The following ZBTB47 variants were observed in gnomAD, a reference collection of about 807,000 sequenced individuals.
The protein encoded by ZBTB47 is zinc finger and BTB domain containing 47.
A neutral mutation model predicts 56.6 loss-of-function variants in ZBTB47; 24 were observed. The ratio of observed to expected loss-of-function variants is 0.42; its 90% CI spans 0.31 to 0.60. ZBTB47 has a LOEUF of 0.60. Among genes scored for constraint, ZBTB47 ranks in the 20% least tolerant of loss-of-function variants. The pLI, the probability that ZBTB47 is intolerant of heterozygous loss-of-function variation, is 0.14. For missense variants in ZBTB47, 829 were observed against 1,032.6 expected (o/e 0.80, Z 2.70); for synonymous variants, 414 against 418.9 (o/e 0.99, Z 0.14).
Position 42,658,610 on chromosome 3 carries a change from C to A in ZBTB47, c.255C>A (p.Asn85Lys). ...YTSKLLVNAANVHEVLSAASL... is the reference protein window; with the variant it reads ...YTSKLLVNAAKVHEVLSAASL... ...CCAAGCTGCTGGTCAACGCGGCCAA[C>A]GTCCACGAGGTGCTCAGCGCCGCCT... The change falls in exon 2 of 6, where the codon AAC becomes AAA. Residue 85 changes from asparagine (N) to lysine (K), a missense_variant. This residue lies in a region of ZBTB47 where 120 missense variants were observed against 200.2 expected (regional missense o/e 0.60). Transcript: ENST00000232974. The A allele has an allele frequency of 6.5e-7, 1 of 1,537,010 alleles. No individual in the cohort carries two copies. The highest frequency in any genetic ancestry group is 8.7e-7 in the Non-Finnish European group (1 of 1,146,924).
Position 42,664,569 on chromosome 3 carries a change from C to A in ZBTB47, c.2215C>A (p.Pro739Thr). The change falls in exon 6 of 6, where the codon CCC (proline) becomes ACC (threonine). Residue 739 changes from proline to threonine, a missense_variant. By Grantham distance (38) the Pro-to-Thr change is conservative (BLOSUM62 -1). Coordinates refer to ENST00000232974, the MANE Select transcript of ZBTB47 (RefSeq NM_145166.4). ...PPPLFPTTAS[P>T]GGRMNANN The stretch of plus-strand genomic sequence containing the variant: ...TCCGCTCTTCCCCACCACTGCCAGC[C>A]CCGGCGGGAGGATGAACGCCAACAA... The A allele has an allele frequency of 7.0e-7, 1 of 1,419,160 alleles. No homozygotes were observed. Among genetic ancestry groups the A allele is most frequent in the East Asian group, 2.8e-5 (1 of 35,220 alleles). The allele number at this position is 1,419,160 out of a possible 1,614,324, so 87.9% of individuals were successfully genotyped here.
Position 42,659,751 on chromosome 3 carries a change from G to A in ZBTB47, c.1396G>A (p.Asp466Asn), listed in dbSNP as rs748762367. Reference protein sequence around the residue: ...NVTHSRMQICDQCGKRFLLES... With the variant: ...NVTHSRMQICNQCGKRFLLES... Reference sequence around the variant, plus strand: ...GACCCACAGCCGCATGCAGATCTGCGACCAGTGCGGCAAGCGCTTCCTGCT... The same window carrying A: ...GACCCACAGCCGCATGCAGATCTGCAACCAGTGCGGCAAGCGCTTCCTGCT... The change falls in exon 2 of 6, where the codon GAC becomes AAC. Residue 466 changes from aspartate (D) to asparagine (N), a missense_variant. Asp to Asn is a conservative substitution (Grantham distance 23). Coordinates refer to ENST00000232974, the MANE Select transcript of ZBTB47 (RefSeq NM_145166.4). The A allele has an allele frequency of 1.4e-5, 22 of 1,613,724 alleles. No individual in the cohort carries two copies. Among genetic ancestry groups the A allele is most frequent in the African/African-American group, 4.0e-5 (3 of 74,940 alleles).
At chr3:42,655,838 G>A (rs1710635545) in intron 1 of ZBTB47, among the ~76,000 whole-genome samples, 1 of 152,274 alleles carries the variant, frequency 6.6e-6, no homozygotes, top group Non-Finnish European at 1.5e-5. Context: ...TGCTGCCTTG[G>A]CTGAGAGTAC....
At chr3:42,661,358 G>A (rs1310764722) in intron 2 of ZBTB47, 127 bp from the exon 3 acceptor site, 2 of 1,055,876 alleles carry the variant, frequency 1.9e-6, no homozygotes, top group Non-Finnish European at 1.4e-6. Context: ...CTGGCTGGCT[G>A]TTGGCATCAA....
rs538074921 is a variant in ZBTB47, at chr3:42,664,440, G to A, written c.2086G>A (p.Ala696Thr). The change falls in exon 6 of 6, where the codon GCT becomes ACT. Residue 696 changes from alanine (A) to threonine (T), a missense_variant. Ala to Thr is a moderately conservative substitution (Grantham distance 58, BLOSUM62 0). Transcript: ENST00000232974. Reference sequence around the variant, plus strand: ...CACCCTGGCCGGCGACGGCGTCCCCGCTGCCCCAGGCCTGCCCCCAACCCA... The same window carrying A: ...CACCCTGGCCGGCGACGGCGTCCCCACTGCCCCAGGCCTGCCCCCAACCCA... Reference protein sequence around the residue: ...SHTLAGDGVPAAPGLPPTQPQ... With the variant: ...SHTLAGDGVPTAPGLPPTQPQ... 2.2e-5 allele frequency: 33 copies of A among 1,531,658 alleles called. No individual in the cohort carries two copies. The South Asian group carries it at 2.8e-4, about 13-fold the overall frequency. 94.9% of individuals were successfully genotyped at this position (1,531,658 alleles called of 1,614,324 possible). A position where few individuals can be genotyped will look rare whatever the true frequency, so the allele number is the denominator to read the frequency against.
chr3:42,659,297 G>A lies in ZBTB47; in HGVS notation c.942G>A (p.Glu314=), dbSNP rs369640325. 598 of 1,488,546 alleles carry A rather than the reference G, an allele frequency of 4.0e-4. No individual in the cohort carries two copies. The African/African-American group carries it at 7.5e-3, about 19-fold the overall frequency. 92.2% of individuals were successfully genotyped at this position (1,488,546 alleles called of 1,614,324 possible). A position where few individuals can be genotyped will look rare whatever the true frequency, so the allele number is the denominator to read the frequency against. ...AAGAGGGTGGCAGTCAGGGAGAAGA[G>A]GAAGAAGAGGAGGAGGACGGGCACA... ...EEEEGGSQGE[E]EEEEEDGHSE... The change falls in exon 2 of 6, where the codon GAG becomes GAA. Residue 314 remains glutamate, a synonymous_variant. Transcript: ENST00000232974.
Position 42,658,373 on chromosome 3 carries a change from G to A in ZBTB47, c.18G>A (p.Glu6=), listed in dbSNP as rs778351543. 4 of 1,535,394 alleles carry A rather than the reference G, an allele frequency of 2.6e-6. No individual in the cohort carries two copies. The South Asian group carries it at 4.8e-5, about 18-fold the overall frequency. Residue 6 remains glutamate, a synonymous_variant, in exon 2 of 6, where the codon GAG becomes GAA. Coordinates refer to ENST00000232974, the MANE Select transcript of ZBTB47 (RefSeq NM_145166.4). ...CCTGCTTGATGGGCCGCCTGAACGA[G>A]CAGCGCCTCTTCCAGCCTGACCTCT... MGRLN[E]QRLFQPDLCD...
At position 42,661,465 on chromosome 3, in the gene ZBTB47, C is replaced by T. The variant is rs1327083822; in HGVS notation, c.1474-20C>T. Reference sequence around the variant, plus strand: ...CCTGGGGACTCAGGACCCAGGGCCTCAAGTCCTCTTATTCTGCAGTGTGTG... The same window carrying T: ...CCTGGGGACTCAGGACCCAGGGCCTTAAGTCCTCTTATTCTGCAGTGTGTG... On this transcript the variant is annotated intron_variant, in intron 2 of 5. Coordinates refer to ENST00000232974, the MANE Select transcript of ZBTB47 (RefSeq NM_145166.4). 1.2e-6 allele frequency: 2 copies of T among 1,611,792 alleles called. No individual in the cohort carries two copies. Among genetic ancestry groups the T allele is most frequent in the Non-Finnish European group, 8.5e-7 (1 of 1,178,982 alleles).
In ZBTB47 at chr3:42,661,920, T is replaced by A. The variant is rs188453989; in HGVS notation, c.1621+288T>A. On this transcript the variant is annotated intron_variant, in intron 3 of 5. Coordinates refer to ENST00000232974, the MANE Select transcript of ZBTB47 (RefSeq NM_145166.4). The stretch of plus-strand genomic sequence containing the variant: ...GGCACACTGCTAACCAGGCTGTGCA[T>A]CCTGGCACGGGCTCGTGTCCACCCA... Among the ~76,000 whole-genome samples, 66 of 152,372 alleles carry A rather than the reference T, an allele frequency of 4.3e-4. No individual in the cohort carries two copies. The East Asian group carries it at 0.011, about 26-fold the overall frequency.
chr3:42,655,405 C>G (rs1710629591), intron 1 of ZBTB47, among the ~76,000 whole-genome samples: 1 of 152,208 alleles, frequency 6.6e-6, no homozygotes, highest in Non-Finnish European at 1.5e-5. Context: ...TGAGGCTTCT[C>G]ATCAGTGAGG....
chr3:42,658,460 A>G lies in ZBTB47; in HGVS notation c.105A>G (p.Leu35=). The change falls in exon 2 of 6, where the codon CTA becomes CTG. Residue 35 remains leucine (L), a synonymous_variant. Coordinates refer to ENST00000232974, the MANE Select transcript of ZBTB47 (RefSeq NM_145166.4). The stretch of plus-strand genomic sequence containing the variant: ...TCTTTCCGGCACACAAGGGTGTGCT[A>G]GCCGCCTACAGCCAGTTCTTCCACT... ...RSVFPAHKGV[L]AAYSQFFHSL... The G allele has an allele frequency of 1.3e-6, 2 of 1,537,018 alleles. No individual in the cohort carries two copies. Among genetic ancestry groups the G allele is most frequent in the Non-Finnish European group, 1.7e-6 (2 of 1,146,906 alleles).
rs76278340 is a variant in ZBTB47 at position 42,655,766 on chromosome 3, T to C, written c.-82+1883T>C. On this transcript the variant is annotated intron_variant, in intron 1 of 5. Coordinates refer to ENST00000232974, the MANE Select transcript of ZBTB47 (RefSeq NM_145166.4). Reference sequence around the variant, plus strand: ...ATTGTGGACTCGGGCAGCATCTCTGTGCCCAGTCAAGAGAGTCCAATCAGG... The same window carrying C: ...ATTGTGGACTCGGGCAGCATCTCTGCGCCCAGTCAAGAGAGTCCAATCAGG... Among the ~76,000 whole-genome samples, 348 of 152,314 alleles carry C rather than the reference T, an allele frequency of 2.3e-3. 3 individuals carry two copies. The highest frequency in any genetic ancestry group is 7.1e-3 in the African/African-American group (296 of 41,574).
rs1044986420 is a variant in ZBTB47 at position 42,664,528 on chromosome 3, A to G, written c.2174A>G (p.His725Arg). 1 of 245,862 alleles carries G rather than the reference A, an allele frequency of 4.1e-6. No individual in the cohort carries two copies. The highest frequency in any genetic ancestry group is 5.4e-6 in the Non-Finnish European group (1 of 184,272). 15.2% of individuals were successfully genotyped at this position (245,862 alleles called of 1,614,324 possible). The change falls in exon 6 of 6, where the codon CAC becomes CGC. Residue 725 changes from histidine (H) to arginine (R), a missense_variant. By Grantham distance (29) the His-to-Arg change is conservative (BLOSUM62 0). Coordinates refer to ENST00000232974, the MANE Select transcript of ZBTB47 (RefSeq NM_145166.4). ...CCCCAGACCCTGCCGCCCCCGCCCCACCTGCCGCCCCCGCCTCCGCTCTTC... is the reference window on the plus strand; with the variant it reads ...CCCCAGACCCTGCCGCCCCCGCCCCGCCTGCCGCCCCCGCCTCCGCTCTTC... Reference protein sequence around the residue: ...GLPQTLPPPPHLPPPPPLFPT... With the variant: ...GLPQTLPPPPRLPPPPPLFPT...
chr3:42,667,496 A>G lies in ZBTB47; in HGVS notation c.*2898A>G, dbSNP rs1365126123. ...TGAGACCATTGACAACTGCTCGTGT[A>G]CAGGCACCCCACAGCCCCAGAGCAT... On this transcript the variant is annotated 3_prime_UTR_variant, in exon 6 of 6. Transcript: ENST00000232974. Among the ~76,000 whole-genome samples, 1 of 152,238 alleles carries G rather than the reference A, an allele frequency of 6.6e-6. No individual in the cohort carries two copies. Among genetic ancestry groups the G allele is most frequent in the Non-Finnish European group, 1.5e-5 (1 of 68,042 alleles).
Position 42,658,360 on chromosome 3 carries a change from G to A in ZBTB47, c.5G>A (p.Gly2Asp), listed in dbSNP as rs747491669. 28 of 1,532,350 alleles carry A rather than the reference G, an allele frequency of 1.8e-5. No individual in the cohort carries two copies. Among genetic ancestry groups the A allele is most frequent in the South Asian group, 6.0e-5 (5 of 83,820 alleles). The allele number at this position is 1,532,350 out of a possible 1,614,324, so 94.9% of individuals were successfully genotyped here. Residue 2 changes from glycine to aspartate, a missense_variant, in exon 2 of 6, where the codon GGC becomes GAC. Around this residue, in one of 6 missense-constraint regions of ZBTB47, gnomAD observed 120 missense variants for 200.2 expected, o/e 0.60. Transcript: ENST00000232974. The stretch of plus-strand genomic sequence containing the variant: ...GCGCTGCACTTTGCCTGCTTGATGG[G>A]CCGCCTGAACGAGCAGCGCCTCTTC... M[G>D]RLNEQRLFQP...
chr3:42,665,623 C>G lies in ZBTB47; in HGVS notation c.*1025C>G, dbSNP rs1344190049. 2 of 152,962 alleles carry G rather than the reference C, an allele frequency of 1.3e-5. No individual in the cohort carries two copies. The highest frequency in any genetic ancestry group is 4.8e-5 in the African/African-American group (2 of 41,468). 9.5% of individuals were successfully genotyped at this position (152,962 alleles called of 1,614,324 possible). A position where few individuals can be genotyped will look rare whatever the true frequency, so the allele number is the denominator to read the frequency against. The stretch of plus-strand genomic sequence containing the variant: ...ATCTCTGCTCCCCCAAAGGCCCGCT[C>G]TAGGCCTTATCCTCCCTCTAGGTCC... On this transcript the variant is annotated 3_prime_UTR_variant, in exon 6 of 6. Coordinates refer to ENST00000232974, the MANE Select transcript of ZBTB47 (RefSeq NM_145166.4).
In ZBTB47 at chr3:42,664,744, C is replaced by T. The variant is rs1710765145; in HGVS notation, c.*146C>T. ...TGGCTGGATGTACCCTGCCTGAGGCCCCGACGAGGAGGGGTATGCAGGCTG... is the reference window on the plus strand; with the variant it reads ...TGGCTGGATGTACCCTGCCTGAGGCTCCGACGAGGAGGGGTATGCAGGCTG... On this transcript the variant is annotated 3_prime_UTR_variant, in exon 6 of 6. Transcript: ENST00000232974. 4.0e-6 allele frequency: 4 copies of T among 997,904 alleles called. No homozygotes were observed. In the South Asian group the frequency reaches 1.3e-4, roughly 34 times the overall value. 61.8% of individuals were successfully genotyped at this position (997,904 alleles called of 1,614,324 possible).
rs1272100485 is a variant in ZBTB47, at chr3:42,667,122, C to T, written c.*2524C>T. On this transcript the variant is annotated 3_prime_UTR_variant, in exon 6 of 6. Coordinates refer to ENST00000232974, the MANE Select transcript of ZBTB47 (RefSeq NM_145166.4). The stretch of plus-strand genomic sequence containing the variant: ...ACAACACAAAAAAACAATGTGCCCC[C>T]AGATGTCAGAATGAGGCGACTAGGG... Among the ~76,000 whole-genome samples the T allele has an allele frequency of 6.6e-6, 1 of 152,266 alleles. No individual in the cohort carries two copies. The highest frequency in any genetic ancestry group is 1.5e-5 in the Non-Finnish European group (1 of 68,054).
rs745403225 is a variant in ZBTB47, at chr3:42,658,515, C to G, written c.160C>G (p.Arg54Gly). ...CTTCACCCAGAACAAGCAGCTGCAGCGTGTGGAGCTGTCCCTGGAGGCACT... is the reference window on the plus strand; with the variant it reads ...CTTCACCCAGAACAAGCAGCTGCAGGGTGTGGAGCTGTCCCTGGAGGCACT... The part of the protein sequence containing the change: ...SLFTQNKQLQ[R>G]VELSLEALAP... Residue 54 changes from arginine (R) to glycine (G), a missense_variant, in exon 2 of 6, where the codon CGT becomes GGT. By Grantham distance (125) the Arg-to-Gly change is moderately radical. This residue lies in a region of ZBTB47 where 120 missense variants were observed against 200.2 expected (regional missense o/e 0.60). Transcript: ENST00000232974. The G allele has an allele frequency of 6.5e-7, 1 of 1,537,240 alleles. No individual in the cohort carries two copies. The highest frequency in any genetic ancestry group is 8.7e-7 in the Non-Finnish European group (1 of 1,146,928).
Sources: allele counts gnomAD v4.1 joint callset (sites outside exome capture counted in the v4.1 genomes callset), GRCh38; gene constraint gnomAD v4.1.1; regional missense constraint gnomAD v4.1.1; transcripts MANE v1.5; gene names NCBI Gene and HGNC (gene_info 2026-07-23, HGNC 2026-07-21).